Variants in DMD observed in about 807,000 individuals in gnomAD.
DMD encodes the protein dystrophin, also known as mutant dystrophin.
A neutral mutation model predicts 330.1 loss-of-function variants in DMD; 63 were observed. That is an observed-to-expected ratio of 0.19 (90% CI 0.16 to 0.24). The LOEUF (loss-of-function observed/expected upper bound fraction) is 0.24, where lower values mean the gene tolerates loss of function less well. Among genes scored for constraint, DMD ranks in the 10% least tolerant of loss-of-function variants. DMD has a pLI of 1.00. For synonymous variants in DMD, 1,223 were observed against 959.8 expected (o/e 1.27, Z -5.07); for missense variants, 3,344 against 2,684.1 (o/e 1.25, Z -5.43).
intron 44 of DMD, among the ~76,000 whole-genome samples, chrX:32,119,877 G>C (rs2096627389): frequency 8.9e-6 from 1 of 111,903 alleles, no homozygotes; most frequent in African/African-American, 3.2e-5. Flanking sequence ...CCACAGCCCT[G>C]GGTGGCCATC....
At chrX:33,210,697 A>T (rs1022157329) in intron 1 of DMD, among the ~76,000 whole-genome samples, 1 of 111,808 alleles carries the variant, frequency 8.9e-6, no homozygotes, top group African/African-American at 3.2e-5. Flanking sequence ...AGAGCATTTG[A>T]AATAGTAAAT....
intron 7 of DMD, among the ~76,000 whole-genome samples, chrX:32,722,878 G>T (rs1400928582): frequency 9.1e-6 from 1 of 110,282 alleles, no homozygotes; most frequent in African/African-American, 3.3e-5. Flanking sequence ...TTTGCAAACA[G>T]AAATAATATT....
intron 42 of DMD, among the ~76,000 whole-genome samples, chrX:32,299,946 T>C (rs1307706764): frequency 3.6e-5 from 4 of 111,848 alleles, no homozygotes; most frequent in African/African-American, 1.3e-4. Context: ...TGATTTCAGT[T>C]ACACTCATGT....
At chrX:31,425,071 C>T (rs915791951) in intron 60 of DMD, among the ~76,000 whole-genome samples, 2 of 112,528 alleles carry the variant, frequency 1.8e-5, no homozygotes, top group African/African-American at 6.5e-5. Flanking sequence ...ATTTTGATCA[C>T]AAAGTCTTTC....
chrX:32,444,111 G>A (rs1299192801), intron 27 of DMD, among the ~76,000 whole-genome samples: 1 of 110,560 alleles, frequency 9.0e-6, no homozygotes. Flanking sequence ...ACTTGAGATG[G>A]GAAATGAGGC....
chrX:32,748,714 T>C (rs1021975679), intron 7 of DMD, among the ~76,000 whole-genome samples: 1 of 112,229 alleles, frequency 8.9e-6, no homozygotes, highest in African/African-American at 3.2e-5. Flanking sequence ...TGACTAAGTA[T>C]AATATGGCAA....
intron 44 of DMD, among the ~76,000 whole-genome samples, chrX:32,189,962 A>C (rs2147574223): frequency 9.0e-6 from 1 of 111,232 alleles, no homozygotes; most frequent in African/African-American, 3.3e-5. Context: ...CATGTGTAAT[A>C]GACTGTAGCT....
In DMD at chrX:32,206,084, T is replaced by A. The variant is rs1286321090; in HGVS notation, c.6438+10832A>T. 5 of 516,735 alleles carry A rather than the reference T, an allele frequency of 9.7e-6. No homozygotes were observed. The East Asian group carries it at 1.8e-4, about 18-fold the overall frequency. The allele number at this position is 516,735 out of a possible 1,213,427, so 42.6% of individuals were successfully genotyped here. A position where few individuals can be genotyped will look rare whatever the true frequency, so the allele number is the denominator to read the frequency against. ...ACATTGTTGAAGCAGAGGCAATGAG[T>A]TACAAAGGCAGTCCAATTAAAGTAA... On this transcript the variant is annotated intron_variant, in intron 44 of 78. Coordinates refer to ENST00000357033, the MANE Select transcript of DMD (RefSeq NM_004006.3).
At chrX:32,482,188 C>T (rs1277083903) in intron 21 of DMD, among the ~76,000 whole-genome samples, 1 of 111,235 alleles carries the variant, frequency 9.0e-6, no homozygotes, top group Non-Finnish European at 1.9e-5. Flanking sequence ...TTTGTTGAAA[C>T]AATTATCTAC....
chrX:33,037,704 G>A (rs1278363468), intron 1 of DMD, among the ~76,000 whole-genome samples: 1 of 111,948 alleles, frequency 8.9e-6, no homozygotes, highest in African/African-American at 3.2e-5. Context: ...AATACTGATT[G>A]TGTCTGTGAT....
At chrX:31,309,020 C>T (rs751129722) in intron 62 of DMD, among the ~76,000 whole-genome samples, 5 of 111,985 alleles carry the variant, frequency 4.5e-5, no homozygotes, top group East Asian at 2.8e-4. Flanking sequence ...TGAGCCACCA[C>T]GCCTGGACTG....
chrX:32,716,372 G>A (rs1039089539), intron 7 of DMD, among the ~76,000 whole-genome samples: 3 of 110,464 alleles, frequency 2.7e-5, no homozygotes, highest in African/African-American at 9.9e-5. Flanking sequence ...TCCTTCTCTG[G>A]CCATGTAAGG....
At chrX:32,412,317 CAGAT>C (rs1024421320) in intron 29 of DMD, 5 of 723,575 alleles carry the variant, frequency 6.9e-6, no homozygotes, top group Non-Finnish European at 9.5e-6. Context: ...CAATTCAAGA[CAGAT>C]AATCTGCTTC....
intron 44 of DMD, among the ~76,000 whole-genome samples, chrX:32,123,575 A>G (rs2096648605): frequency 1.8e-5 from 2 of 111,223 alleles, no homozygotes; most frequent in African/African-American, 6.5e-5. Flanking sequence ...TATAAAGGTA[A>G]CTGAAATCCT....
At chrX:32,683,390 A>G (rs1305782254) in intron 9 of DMD, among the ~76,000 whole-genome samples, 1 of 110,034 alleles carries the variant, frequency 9.1e-6, no homozygotes, top group Non-Finnish European at 1.9e-5. Context: ...CTTGGAATCA[A>G]CCCAAATGTC....
intron 45 of DMD, among the ~76,000 whole-genome samples, chrX:31,940,477 A>G (rs1220398346): frequency 2.7e-5 from 3 of 111,640 alleles, no homozygotes; most frequent in Non-Finnish European, 5.7e-5. Flanking sequence ...CCACATATGT[A>G]ATATTCCTTG....
At chrX:31,943,002 T>C (rs2095027274) in intron 45 of DMD, among the ~76,000 whole-genome samples, 1 of 112,272 alleles carries the variant, frequency 8.9e-6, no homozygotes, top group Non-Finnish European at 1.9e-5. Flanking sequence ...ATACAGCAAG[T>C]GTTTGTAAAC....
chrX:32,408,440 G>C (rs1236764184), intron 30 of DMD, among the ~76,000 whole-genome samples: 2 of 111,958 alleles, frequency 1.8e-5, no homozygotes, highest in African/African-American at 3.2e-5. Flanking sequence ...ACAAGAGTAT[G>C]GTTGTCAGAA....
intron 51 of DMD, among the ~76,000 whole-genome samples, chrX:31,761,011 G>A (rs968396965): frequency 2.1e-5 from 2 of 93,689 alleles, no homozygotes; most frequent in African/African-American, 4.2e-5. Flanking sequence ...GTAGCCTCCC[G>A]AGTAGCTGGG....
Sources: allele counts gnomAD v4.1 joint callset (sites outside exome capture counted in the v4.1 genomes callset), GRCh38; gene constraint gnomAD v4.1.1; transcripts MANE v1.5; gene names NCBI Gene and HGNC (gene_info 2026-07-23, HGNC 2026-07-21).